Variants in FKBP1C observed in about 807,000 individuals in gnomAD.
FKBP1C encodes the protein peptidyl-prolyl cis-trans isomerase FKBP1C.
FKBP1C carries 7 observed loss-of-function variants against 7.1 expected under a neutral mutation model. The ratio of observed to expected loss-of-function variants is 0.99; its 90% CI spans 0.56 to 1.86. The LOEUF (loss-of-function observed/expected upper bound fraction) is 1.86. FKBP1C is among the 40% of genes most tolerant of loss of function. FKBP1C has a pLI of 0.00. For missense variants in FKBP1C, 159 were observed against 139.9 expected (o/e 1.14, Z -0.69); for synonymous variants, 56 against 51.2 (o/e 1.09, Z -0.40).
exon 1 of FKBP1C, chr6:63,211,945 T>A: frequency 6.4e-7 from 1 of 1,565,526 alleles, no homozygotes; most frequent in Non-Finnish European, 8.8e-7. Context: ...ATCTGGTGCC[T>A]CCAGACGTGT....
rs537181479 is a variant in FKBP1C, at chr6:63,211,578, A to G, written c.22A>G (p.Ile8Val). 1.5e-5 allele frequency: 23 copies of G among 1,488,120 alleles called. 1 individual carries two copies. Among genetic ancestry groups the G allele is most frequent in the Middle Eastern group, 1.7e-4 (1 of 5,790 alleles). The allele number at this position is 1,488,120 out of a possible 1,614,324, so 92.2% of individuals were successfully genotyped here. Residue 8 changes from isoleucine (I) to valine (V), a missense_variant, in exon 1 of 1, where the codon ATC becomes GTC. By Grantham distance (29) the Ile-to-Val change is conservative. Transcript: ENST00000370659. ...CGCCATGGGAGTGCACGTGGAAACC[A>G]TCTCCCCAGGAGACTGGCGCACCTT...
exon 1 of FKBP1C, chr6:63,212,770 C>T (rs1766125246): frequency 6.0e-6 from 1 of 166,918 alleles, no homozygotes; most frequent in Non-Finnish European, 1.5e-5. Flanking sequence ...GCCATCATGA[C>T]AAATCCTTGA....
chr6:63,211,555 C>T, exon 1 of FKBP1C: 4 of 1,305,934 alleles, frequency 3.1e-6, no homozygotes, highest in Non-Finnish European at 3.3e-6. Flanking sequence ...TCGGCCGCCG[C>T]CATGGGAGTG....
At chr6:63,212,108 A>C in exon 1 of FKBP1C, 1 of 617,726 alleles carries the variant, frequency 1.6e-6, no homozygotes. Context: ...CCTAAACTAT[A>C]TGCCATAAAC....
At chr6:63,212,143 C>A in exon 1 of FKBP1C, 1 of 595,910 alleles carries the variant, frequency 1.7e-6, no homozygotes, top group Non-Finnish European at 3.1e-6. Context: ...TTTACTTTTT[C>A]ATTTTGGGGT....
At chr6:63,211,734 TG>T in the FKBP1C span, 2 of 1,613,978 alleles carry the variant, frequency 1.2e-6, no homozygotes, top group African/African-American at 2.7e-5. Flanking sequence ...GATCCGAGGC[TG>T]GGAAGAAGGG....
At chr6:63,211,664 A>G in exon 1 of FKBP1C, 1 of 1,614,072 alleles carries the variant, frequency 6.2e-7, no homozygotes. Context: ...ATGGAAAGAA[A>G]TTTGATTCCT....
chr6:63,211,652 A>G (rs531829509), exon 1 of FKBP1C: 2 of 1,614,090 alleles, frequency 1.2e-6, no homozygotes, highest in African/African-American at 1.3e-5. Flanking sequence ...GGATGCTTGA[A>G]GATGGAAAGA....
At chr6:63,211,549 C>A in exon 1 of FKBP1C, 1 of 1,231,328 alleles carries the variant, frequency 8.1e-7, no homozygotes, top group Non-Finnish European at 1.2e-6. Flanking sequence ...TCGGCGTCGG[C>A]CGCCGCCATG....
At chr6:63,212,802 G>T (rs1442793724) in exon 1 of FKBP1C, 1 of 166,736 alleles carries the variant, frequency 6.0e-6, no homozygotes, top group Non-Finnish European at 1.5e-5. Flanking sequence ...AGAAAATGAT[G>T]CTGGTCATCC....
At chr6:63,211,677 C>T (rs1462133713) in exon 1 of FKBP1C, 6 of 1,614,050 alleles carry the variant, frequency 3.7e-6, no homozygotes, top group South Asian at 1.1e-5. Flanking sequence ...TGATTCCTCC[C>T]GGGACAGAAA....
chr6:63,212,794 A>G (rs1766125463), exon 1 of FKBP1C: 1 of 166,866 alleles, frequency 6.0e-6, no homozygotes. Context: ...TTCTCTTAAG[A>G]AAATGATGCT....
chr6:63,211,857 G>T (rs748793060), exon 1 of FKBP1C: 3 of 1,613,020 alleles, frequency 1.9e-6, no homozygotes, highest in African/African-American at 1.3e-5. Flanking sequence ...TCTCGTCTTC[G>T]ATGTGGAGCT....
exon 1 of FKBP1C, chr6:63,211,538 C>G: frequency 9.2e-7 from 1 of 1,089,538 alleles, no homozygotes; most frequent in Non-Finnish European, 1.4e-6. Context: ...TGCCCGCCCG[C>G]TCGGCGTCGG....
At chr6:63,212,243 T>G (rs543478975) in exon 1 of FKBP1C, 308 of 376,492 alleles carry the variant, frequency 8.2e-4, no homozygotes, top group South Asian at 4.3e-3. Flanking sequence ...AACGTTAGGA[T>G]AGGAATTGGT....
At chr6:63,211,787 A>G (rs1581986610) in exon 1 of FKBP1C, 5 of 1,613,764 alleles carry the variant, frequency 3.1e-6, no homozygotes, top group African/African-American at 1.3e-5. Flanking sequence ...AACTGACTAT[A>G]TCTCCAGATT....
At chr6:63,212,033 T>G in exon 1 of FKBP1C, 1 of 912,956 alleles carries the variant, frequency 1.1e-6, no homozygotes, top group Admixed American at 2.2e-5. Flanking sequence ...GAATGTGTTC[T>G]GTCACTCAGC....
At chr6:63,211,784 T>C in exon 1 of FKBP1C, 3 of 1,613,872 alleles carry the variant, frequency 1.9e-6, no homozygotes, top group Non-Finnish European at 2.5e-6. Context: ...CCAAACTGAC[T>C]ATATCTCCAG....
exon 1 of FKBP1C, chr6:63,212,565 A>C (rs1766122081): frequency 6.3e-6 from 1 of 158,750 alleles, no homozygotes; most frequent in Non-Finnish European, 1.5e-5. Flanking sequence ...CTGGGCCAGC[A>C]GGGACCTCTG....
Sources: allele counts gnomAD v4.1 joint callset, GRCh38; gene constraint gnomAD v4.1.1; transcripts MANE v1.5; gene names NCBI Gene and HGNC (gene_info 2026-07-23, HGNC 2026-07-21).